GPR137B: variants seen among roughly 807,000 people sequenced by gnomAD.
GPR137B encodes the protein G protein-coupled receptor 137B, also known as integral membrane protein GPR137B.
A neutral mutation model predicts 42.5 loss-of-function variants in GPR137B; 42 were observed. The ratio of observed to expected loss-of-function variants is 0.99; its 90% CI spans 0.77 to 1.28. The LOEUF (loss-of-function observed/expected upper bound fraction) is 1.28. Among genes scored for constraint, GPR137B ranks in the 50% most tolerant of loss-of-function variants. GPR137B has a pLI of 0.00. For synonymous variants in GPR137B, 218 were observed against 209.7 expected (o/e 1.04, Z -0.34); for missense variants, 487 against 493.9 (o/e 0.99, Z 0.13).
At position 236,194,880 on chromosome 1, in the gene GPR137B, G is replaced by A. The variant is rs184372499; in HGVS notation, c.967-10246G>A. 7.8e-4 allele frequency among the ~76,000 whole-genome samples: 119 copies of A among 152,272 alleles called. 1 individual carries two copies. The highest frequency in any genetic ancestry group is 2.9e-3 in the African/African-American group (119 of 41,558). On this transcript the variant is annotated intron_variant, in intron 5 of 6. Coordinates refer to ENST00000366592, the MANE Select transcript of GPR137B (RefSeq NM_003272.4). The stretch of plus-strand genomic sequence containing the variant: ...ATGGGATGAGAAATCCTCCCCAAAT[G>A]ATTTCACCATTGTTATGACTGCTCT...
intron 1 of GPR137B, among the ~76,000 whole-genome samples, chr1:236,159,313 TAAAAAC>T (rs982687353): frequency 2.0e-5 from 3 of 151,466 alleles, no homozygotes; most frequent in Admixed American, 2.0e-4. Flanking sequence ...CCCCGCCTCT[TAAAAAC>T]AAACAAACAA....
In GPR137B at chr1:236,208,529, AAT is replaced by A. The variant is rs986087852; in HGVS notation, c.*375_*376del. 2.1e-6 allele frequency: 2 copies of A among 948,824 alleles called. No homozygotes were observed. The highest frequency in any genetic ancestry group is 3.5e-5 in the African/African-American group (2 of 56,554). 58.8% of individuals were successfully genotyped at this position (948,824 alleles called of 1,614,324 possible). A position where few individuals can be genotyped will look rare whatever the true frequency, so the allele number is the denominator to read the frequency against. On this transcript the variant is annotated 3_prime_UTR_variant, in exon 7 of 7. Transcript: ENST00000366592. ...ACTTTTATGCATAATTCACTTTAAA[AAT>A]ATAGAATATATGGTCTAATAGTTTT... is the stretch of plus-strand genomic sequence containing the variant.
intron 5 of GPR137B, among the ~76,000 whole-genome samples, chr1:236,188,626 G>C (rs1663102965): frequency 6.6e-6 from 1 of 152,150 alleles, no homozygotes; most frequent in Admixed American, 6.5e-5. Context: ...TACGTTTATT[G>C]ATTTGTGTAT....
At chr1:236,161,889 C>T (rs1199805870) in intron 1 of GPR137B, among the ~76,000 whole-genome samples, 1 of 152,120 alleles carries the variant, frequency 6.6e-6, no homozygotes. Context: ...ATGTCTTTAT[C>T]AGCAGTGTGA....
rs1312667891 is a variant in GPR137B at position 236,195,799 on chromosome 1, T to C, written c.967-9327T>C. On this transcript the variant is annotated intron_variant, in intron 5 of 6. Transcript: ENST00000366592. ...CCTTTTAGATATAAGCGATTATAACTGCAGTGAGGTAATATCTCACTGTAG... is the reference window on the plus strand; with the variant it reads ...CCTTTTAGATATAAGCGATTATAACCGCAGTGAGGTAATATCTCACTGTAG... 2.0e-5 allele frequency among the ~76,000 whole-genome samples: 3 copies of C among 152,232 alleles called. No individual in the cohort carries two copies. In the East Asian group the frequency reaches 5.8e-4, roughly 29 times the overall value.
intron 1 of GPR137B, among the ~76,000 whole-genome samples, chr1:236,161,581 G>C (rs6696520): frequency 0.28 from 42,376 of 151,888 alleles, 7,666 homozygotes; most frequent in African/African-American, 0.5. Context: ...GCATCCCCAT[G>C]CAAATCTCAA....
chr1:236,178,801 T>TTTTTTTTTTTTTTTTTTTTTTG, intron 3 of GPR137B, among the ~76,000 whole-genome samples, 165 bp downstream of exon 3: 1 of 92,026 alleles, frequency 1.1e-5, no homozygotes, highest in Non-Finnish European at 2.4e-5. Flanking sequence ...TTTTTTTTTT[T>TTTTTTTTTTTTTTTTTTTTTTG]TTTTTTTTTT....
At chr1:236,145,161 A>G (rs969940444) in intron 1 of GPR137B, among the ~76,000 whole-genome samples, 2 of 152,222 alleles carry the variant, frequency 1.3e-5, no homozygotes, top group African/African-American at 4.8e-5. Flanking sequence ...GGCAGAACAA[A>G]GCCATTTCTG....
intron 1 of GPR137B, among the ~76,000 whole-genome samples, chr1:236,160,544 T>A (rs1662158647): frequency 6.6e-6 from 1 of 151,742 alleles, no homozygotes; most frequent in Non-Finnish European, 1.5e-5. Flanking sequence ...TCCTTCTGTC[T>A]GTCCACAAGC....
At chr1:236,166,983 C>T (rs528854659) in intron 1 of GPR137B, among the ~76,000 whole-genome samples, 1 of 152,004 alleles carries the variant, frequency 6.6e-6, no homozygotes, top group Non-Finnish European at 1.5e-5. Context: ...CGGGTATGCA[C>T]GTTGAGCACC....
At chr1:236,176,451 G>T (rs984178383) in intron 2 of GPR137B, among the ~76,000 whole-genome samples, 1 of 151,978 alleles carries the variant, frequency 6.6e-6, no homozygotes. Context: ...GGGCACACAC[G>T]TTCCTTACTG....
chr1:236,146,178 G>A (rs1408303314), intron 1 of GPR137B, among the ~76,000 whole-genome samples: 2 of 152,132 alleles, frequency 1.3e-5, no homozygotes, highest in Non-Finnish European at 2.9e-5. Context: ...TTAACAATGG[G>A]AAAACATACC....
Position 236,142,584 on chromosome 1 carries a change from CG to C in GPR137B, c.-37del, listed in dbSNP as rs1661550667. ...GGGGCTGCAGGCTGAGCGCGATGCG[CG>C]GAGACCCCCGCGGGGGCGGCGGCGG... On this transcript the variant is annotated 5_prime_UTR_variant, in exon 1 of 7. Transcript: ENST00000366592. 8.2e-7 allele frequency: 1 copy of C among 1,224,670 alleles called. No homozygotes were observed. The allele number at this position is 1,224,670 out of a possible 1,614,324, so 75.9% of individuals were successfully genotyped here. A position where few individuals can be genotyped will look rare whatever the true frequency, so the allele number is the denominator to read the frequency against.
rs1003516106 is a variant in GPR137B at position 236,208,831 on chromosome 1, A to G, written c.*673A>G. ...CTTCCTTTCAGTAGGGCGCTAATGTATACACATTAATGATAAGTTGATAAC... is the reference window on the plus strand; with the variant it reads ...CTTCCTTTCAGTAGGGCGCTAATGTGTACACATTAATGATAAGTTGATAAC... On this transcript the variant is annotated 3_prime_UTR_variant, in exon 7 of 7. Coordinates refer to ENST00000366592, the MANE Select transcript of GPR137B (RefSeq NM_003272.4). 4.3e-5 allele frequency: 42 copies of G among 977,068 alleles called. No individual in the cohort carries two copies. The highest frequency in any genetic ancestry group is 4.9e-5 in the Non-Finnish European group (40 of 822,418). 60.5% of individuals were successfully genotyped at this position (977,068 alleles called of 1,614,324 possible).
chr1:236,167,659 G>A (rs1455732060), intron 1 of GPR137B, among the ~76,000 whole-genome samples: 1 of 152,102 alleles, frequency 6.6e-6, no homozygotes, highest in Non-Finnish European at 1.5e-5. Flanking sequence ...CCTTCTCCCA[G>A]TACTGTATTG....
chr1:236,152,066 C>T (rs1395223629), intron 1 of GPR137B, among the ~76,000 whole-genome samples: 1 of 152,106 alleles, frequency 6.6e-6, no homozygotes, highest in Non-Finnish European at 1.5e-5. Context: ...TCTATCCATG[C>T]GAGAGGGCCT....
At chr1:236,153,269 A>G (rs951492815) in intron 1 of GPR137B, among the ~76,000 whole-genome samples, 8 of 152,164 alleles carry the variant, frequency 5.3e-5, no homozygotes, top group African/African-American at 9.7e-5. Flanking sequence ...CCATTAAGCA[A>G]TCACTACTCA....
intron 2 of GPR137B, among the ~76,000 whole-genome samples, chr1:236,176,745 C>T (rs990418314): frequency 2.1e-4 from 32 of 152,172 alleles, no homozygotes; most frequent in Non-Finnish European, 3.2e-4. Context: ...CTGACTCCTT[C>T]CTTCTTCCCT....
chr1:236,176,405 T>C (rs1662686782), intron 2 of GPR137B, among the ~76,000 whole-genome samples: 2 of 152,038 alleles, frequency 1.3e-5, no homozygotes, highest in African/African-American at 4.8e-5. Context: ...TCCGACTCGC[T>C]CATCTCTCCG....
Sources: gnomAD v4.1 joint callset for allele counts (sites outside exome capture counted in the v4.1 genomes callset) on GRCh38, gnomAD v4.1.1 for gene constraint, MANE v1.5 for transcripts, NCBI Gene and HGNC (gene_info 2026-07-23, HGNC 2026-07-21) for gene names.